TSGA10: variants seen among roughly 807,000 people sequenced by gnomAD.
The protein encoded by TSGA10 is testis specific 10, also known as testis-specific gene 10 protein.
A neutral mutation model predicts 96.6 loss-of-function variants in TSGA10; 43 were observed. That is an observed-to-expected ratio of 0.44 (90% CI 0.35 to 0.57). The LOEUF (loss-of-function observed/expected upper bound fraction) is 0.57, where lower values mean the gene tolerates loss of function less well. Among genes scored for constraint, TSGA10 ranks in the 20% least tolerant of loss-of-function variants. The pLI is 0.01. For missense variants in TSGA10, 703 were observed against 834.4 expected, an observed-to-expected ratio of 0.84 and a Z score of 1.94; for synonymous variants, 229 against 269.9, an observed-to-expected ratio of 0.85 and a Z score of 1.48.
intron 16 of TSGA10, among the ~76,000 whole-genome samples, chr2:99,062,438 G>C (rs1215047438): frequency 6.6e-6 from 1 of 152,172 alleles, no homozygotes; most frequent in Non-Finnish European, 1.5e-5. Flanking sequence ...ACATTGGAAA[G>C]TTTTTTAAAA....
chr2:99,100,132 T>C (rs928981788), intron 10 of TSGA10, among the ~76,000 whole-genome samples: 1 of 152,192 alleles, frequency 6.6e-6, no homozygotes, highest in African/African-American at 2.4e-5. Flanking sequence ...CTCAATGCCA[T>C]TAAAATCTTA....
intron 2 of TSGA10, among the ~76,000 whole-genome samples, chr2:99,121,113 G>A (rs368506051): frequency 7.2e-4 from 109 of 152,204 alleles, no homozygotes; most frequent in African/African-American, 2.5e-3. Flanking sequence ...TAACAAAGCC[G>A]CTATGAACAA....
intron 20 of TSGA10, among the ~76,000 whole-genome samples, chr2:99,012,153 A>G (rs2079058006): frequency 6.6e-6 from 1 of 152,180 alleles, no homozygotes; most frequent in Non-Finnish European, 1.5e-5. Context: ...CCAGCACTAC[A>G]AGAACTGTTT....
intron 11 of TSGA10, chr2:99,079,022 A>G (rs988968716): frequency 1.3e-5 from 5 of 393,092 alleles, no homozygotes; most frequent in African/African-American, 1.0e-4. Flanking sequence ...CATAAACACA[A>G]AAGCACAATA....
chr2:99,079,855 G>A (rs182855973), intron 11 of TSGA10, among the ~76,000 whole-genome samples: 11 of 152,288 alleles, frequency 7.2e-5, no homozygotes, highest in Non-Finnish European at 1.6e-4. Context: ...TGCTATGGGA[G>A]ATAATACCAT....
intron 16 of TSGA10, among the ~76,000 whole-genome samples, chr2:99,043,747 A>C (rs1337365966): frequency 6.6e-6 from 1 of 152,204 alleles, no homozygotes; most frequent in Non-Finnish European, 1.5e-5. Context: ...AGCTCAAAAA[A>C]CAAAACAACC....
At chr2:99,140,528 A>G (rs1232329469) in intron 1 of TSGA10, among the ~76,000 whole-genome samples, 2 of 152,122 alleles carry the variant, frequency 1.3e-5, no homozygotes, top group Non-Finnish European at 2.9e-5. Flanking sequence ...GTTTTTAGGT[A>G]TCAAGTCCAT....
chr2:99,070,295 T>A (rs1385075012), intron 14 of TSGA10, among the ~76,000 whole-genome samples: 4 of 152,152 alleles, frequency 2.6e-5, no homozygotes, highest in African/African-American at 9.6e-5. Flanking sequence ...TTTTTACAGA[T>A]GCTACAGAGA....
intron 4 of TSGA10, among the ~76,000 whole-genome samples, chr2:99,114,212 G>C (rs899703091): frequency 7.2e-5 from 11 of 152,058 alleles, no homozygotes; most frequent in African/African-American, 2.7e-4. Flanking sequence ...CTCAGCAATC[G>C]AATTAGAAAT....
chr2:98,997,600 T>C lies in TSGA10; in HGVS notation c.*597A>G, dbSNP rs2077571484. ...CTAAAAGCAGTAGTAGTAAACACAATTGTAGAATATGTATGTTACTTAGTC... is the reference window on the plus strand; with the variant it reads ...CTAAAAGCAGTAGTAGTAAACACAACTGTAGAATATGTATGTTACTTAGTC... On this transcript the variant is annotated 3_prime_UTR_variant, in exon 21 of 21. Transcript: ENST00000393483. 1 of 152,116 alleles carries C rather than the reference T, an allele frequency of 6.6e-6. No homozygotes were observed. The highest frequency in any genetic ancestry group is 6.5e-5 in the Admixed American group (1 of 15,268). 9.4% of individuals were successfully genotyped at this position (152,116 alleles called of 1,614,324 possible).
At position 98,998,186 on chromosome 2, in the gene TSGA10, C is replaced by A; in HGVS notation, c.*11G>T. ...GACCTTTCTCAGGGATGTGAAGAAT[C>A]ATTTCAGGTGTCAGAAATCTCTGTA... On this transcript the variant is annotated 3_prime_UTR_variant, in exon 21 of 21. Coordinates refer to ENST00000393483, the MANE Select transcript of TSGA10 (RefSeq NM_025244.4). 4 of 1,596,516 alleles carry A rather than the reference C, an allele frequency of 2.5e-6. No homozygotes were observed. The highest frequency in any genetic ancestry group is 2.3e-5 in the East Asian group (1 of 44,300).
At chr2:99,122,016 T>C (rs1169848475) in intron 2 of TSGA10, among the ~76,000 whole-genome samples, 1 of 152,216 alleles carries the variant, frequency 6.6e-6, no homozygotes, top group Admixed American at 6.5e-5. Flanking sequence ...CACCACTTGT[T>C]GAAAAGACTA....
At chr2:99,071,185 A>G (rs969067335) in intron 14 of TSGA10, among the ~76,000 whole-genome samples, 4 of 152,108 alleles carry the variant, frequency 2.6e-5, no homozygotes, top group Admixed American at 2.6e-4. Context: ...TCCAAATAGG[A>G]TTTTTAAATG....
chr2:99,087,475 C>T (rs1310521917), intron 10 of TSGA10, among the ~76,000 whole-genome samples: 1 of 152,138 alleles, frequency 6.6e-6, no homozygotes, highest in African/African-American at 2.4e-5. Flanking sequence ...CACTGCACTC[C>T]AGCCTCGGCA....
At chr2:99,114,425 A>G (rs1344813803) in intron 4 of TSGA10, among the ~76,000 whole-genome samples, 1 of 152,110 alleles carries the variant, frequency 6.6e-6, no homozygotes, top group African/African-American at 2.4e-5. Context: ...ATTTCAGGGC[A>G]TTCTACCAAC....
chr2:99,002,179 A>C (rs2077986544), intron 20 of TSGA10, among the ~76,000 whole-genome samples: 1 of 152,172 alleles, frequency 6.6e-6, no homozygotes, highest in African/African-American at 2.4e-5. Flanking sequence ...CAAGACACAT[A>C]ATTGTCAGAT....
At chr2:99,130,515 C>T (rs1226315091) in intron 1 of TSGA10, among the ~76,000 whole-genome samples, 1 of 151,996 alleles carries the variant, frequency 6.6e-6, no homozygotes, top group African/African-American at 2.4e-5. Context: ...CTTATAGATT[C>T]TAGATATTAA....
chr2:99,093,313 C>A (rs551306248), intron 10 of TSGA10, among the ~76,000 whole-genome samples: 2 of 152,096 alleles, frequency 1.3e-5, no homozygotes, highest in Admixed American at 1.3e-4. Flanking sequence ...AACAGGGAAA[C>A]ACTGAAAGCA....
At chr2:99,116,818 T>C (rs922144017) in intron 4 of TSGA10, among the ~76,000 whole-genome samples, 4 of 152,232 alleles carry the variant, frequency 2.6e-5, no homozygotes, top group African/African-American at 9.6e-5. Flanking sequence ...TGCATCAACG[T>C]ATACTGATCA....
Sources: allele counts gnomAD v4.1 joint callset (sites outside exome capture counted in the v4.1 genomes callset), GRCh38; gene constraint gnomAD v4.1.1; transcripts MANE v1.5; gene names NCBI Gene and HGNC (gene_info 2026-07-23, HGNC 2026-07-21).